Variants in RP1 observed in about 807,000 individuals in gnomAD.
The protein encoded by RP1 is RP1 axonemal microtubule associated.
Under a neutral mutation model 14.8 loss-of-function variants are expected in RP1, and 16 were observed. The observed-to-expected ratio is 1.08, with a 90% CI of 0.73 to 1.65. The LOEUF (loss-of-function observed/expected upper bound fraction) is 1.65. Among genes scored for constraint, RP1 ranks in the 40% most tolerant of loss-of-function variants. The pLI is 0.00. For missense variants in RP1, 2,631 were observed against 2,535.0 expected, an observed-to-expected ratio of 1.04 and a Z score of -0.81; for synonymous variants, 876 against 883.6, an observed-to-expected ratio of 0.99 and a Z score of 0.15.
intron 12 of RP1, among the ~76,000 whole-genome samples, chr8:54,684,604 T>C (rs1290492586): frequency 6.6e-6 from 1 of 152,172 alleles, no homozygotes; most frequent in African/African-American, 2.4e-5. Flanking sequence ...TACATAGAGG[T>C]GTTTATAGTA....
Position 54,628,223 on chromosome 8 carries a change from A to G in RP1, c.4341A>G (p.Glu1447=). Residue 1447 remains glutamate (E), a synonymous_variant, in exon 4 of 4, where the codon GAA becomes GAG. Transcript: ENST00000220676. ...FDMEEPRTSE[E]PGSITNSMTS... is the part of the protein sequence containing the mutation. ...TGGAAGAACCACGGACTTCTGAAGA[A>G]CCAGGCTCAATAACCAACAGCATGA... is the stretch of plus-strand genomic sequence containing the variant. 1 of 1,614,026 alleles carries G rather than the reference A, an allele frequency of 6.2e-7. No individual in the cohort carries two copies. Among genetic ancestry groups the G allele is most frequent in the Non-Finnish European group, 8.5e-7 (1 of 1,179,926 alleles).
intron 17 of RP1, among the ~76,000 whole-genome samples, chr8:54,733,387 C>T (rs991573815): frequency 1.3e-5 from 2 of 152,052 alleles, no homozygotes; most frequent in African/African-American, 4.8e-5. Flanking sequence ...AGAGATTACC[C>T]AGAGCTGTTA....
intron 13 of RP1, among the ~76,000 whole-genome samples, chr8:54,700,634 T>A (rs1410250472): frequency 6.6e-6 from 1 of 152,162 alleles, no homozygotes; most frequent in Non-Finnish European, 1.5e-5. Flanking sequence ...TGAAGAAATA[T>A]CTCTTCAACT....
chr8:54,845,982 A>C (rs192828503), intron 25 of RP1, among the ~76,000 whole-genome samples: 1 of 152,306 alleles, frequency 6.6e-6, no homozygotes, highest in East Asian at 1.9e-4. Context: ...TCAACAGATA[A>C]ACTTCTGGTC....
rs557121303 is a variant in RP1, at chr8:54,804,358, C to T, written c.3615+20648C>T. On this transcript the variant is annotated intron_variant, in intron 24 of 28. Coordinates refer to the RP1 transcript ENST00000637698. ...CACAGCCAGACACTATTCCAAATGA[C>T]GTTAAGGCCCACCATTAAGGTTTGA... Among the ~76,000 whole-genome samples, 6 of 152,242 alleles carry T rather than the reference C, an allele frequency of 3.9e-5. No homozygotes were observed. The South Asian group carries it at 1.0e-3, about 26-fold the overall frequency.
At chr8:54,807,625 T>C (rs185155301) in intron 24 of RP1, among the ~76,000 whole-genome samples, 4,294 of 147,190 alleles carry the variant, frequency 0.029, 117 homozygotes, top group African/African-American at 0.065. Context: ...TATCTACCTG[T>C]CTGTCTGTCT....
chr8:54,652,045 T>C (rs1167466807), intron 4 of RP1, among the ~76,000 whole-genome samples: 3 of 151,356 alleles, frequency 2.0e-5, no homozygotes, highest in African/African-American at 7.3e-5. Flanking sequence ...TCTATCTCTC[T>C]CGCACAGGCT....
chr8:54,869,224 T>G (rs1812524395), intron 28 of RP1, among the ~76,000 whole-genome samples: 1 of 152,174 alleles, frequency 6.6e-6, no homozygotes, highest in African/African-American at 2.4e-5. Flanking sequence ...AACTGTACTG[T>G]CTCACATGGG....
rs537683295 is a variant in RP1 at position 54,834,974 on chromosome 8, A to C, written c.3616-2476A>C. Among the ~76,000 whole-genome samples the C allele has an allele frequency of 3.3e-5, 5 of 152,292 alleles. No individual in the cohort carries two copies. In the South Asian group the frequency reaches 1.0e-3, roughly 32 times the overall value. ...CTTAAACAGAGGATACAGACTTTGC[A>C]CAACATGAAATTTGCTCCTAGAACT... On this transcript the variant is annotated intron_variant, in intron 24 of 28. Transcript: ENST00000637698.
chr8:54,623,000 T>C (rs1331980988), intron 3 of RP1, among the ~76,000 whole-genome samples: 2 of 152,198 alleles, frequency 1.3e-5, no homozygotes, highest in African/African-American at 4.8e-5. Context: ...AGAGTACTGA[T>C]TGTTTTTTAT....
intron 24 of RP1, among the ~76,000 whole-genome samples, chr8:54,836,288 G>A (rs1002682648): frequency 5.3e-5 from 8 of 152,152 alleles, no homozygotes; most frequent in African/African-American, 1.9e-4. Context: ...TCTAATTATA[G>A]TATGTGGCAG....
intron 12 of RP1, among the ~76,000 whole-genome samples, chr8:54,689,610 A>C (rs1807660631): frequency 6.6e-6 from 1 of 152,060 alleles, no homozygotes; most frequent in Non-Finnish European, 1.5e-5. Flanking sequence ...TGAGTCTCAG[A>C]CTCACTACAC....
At chr8:54,571,010 C>T (rs529231306) in intron 1 of RP1, among the ~76,000 whole-genome samples, 10 of 152,288 alleles carry the variant, frequency 6.6e-5, no homozygotes, top group South Asian at 2.1e-4. Context: ...TGTGACTGGC[C>T]GTCATCACAT....
intron 12 of RP1, among the ~76,000 whole-genome samples, chr8:54,691,958 G>A (rs1024990874): frequency 2.6e-5 from 4 of 151,574 alleles, no homozygotes; most frequent in South Asian, 4.2e-4. Flanking sequence ...TAATGCTGTC[G>A]CTCCCCCCTC....
intron 24 of RP1, among the ~76,000 whole-genome samples, chr8:54,800,603 G>A (rs903094284): frequency 3.3e-5 from 5 of 151,968 alleles, no homozygotes; most frequent in African/African-American, 7.3e-5. Context: ...AATATTCATT[G>A]ATTCTTCCCT....
chr8:54,838,478 C>A (rs375603843), intron 25 of RP1, among the ~76,000 whole-genome samples: 1 of 151,476 alleles, frequency 6.6e-6, no homozygotes, highest in Non-Finnish European at 1.5e-5. Flanking sequence ...TGTGTGTATG[C>A]GAGTGTTTGA....
chr8:54,855,973 C>CACACCCA (rs367829972), intron 26 of RP1, among the ~76,000 whole-genome samples: 1 of 102,190 alleles, frequency 9.8e-6, no homozygotes, highest in African/African-American at 5.0e-5. Context: ...ACACACACAC[C>CACACCCA]CCCTATAACC....
At chr8:54,843,189 C>T (rs1350246748) in intron 25 of RP1, among the ~76,000 whole-genome samples, 1 of 152,154 alleles carries the variant, frequency 6.6e-6, no homozygotes, top group African/African-American at 2.4e-5. Context: ...GCGTGCACCA[C>T]CACGCCCAGC....
intron 8 of RP1, among the ~76,000 whole-genome samples, chr8:54,677,169 C>T (rs970511757): frequency 1.3e-5 from 2 of 151,568 alleles, no homozygotes; most frequent in Admixed American, 1.3e-4. Context: ...CACTGAAAAT[C>T]CTGCATCCTG....
Sources: allele counts gnomAD v4.1 joint callset (sites outside exome capture counted in the v4.1 genomes callset), GRCh38; gene constraint gnomAD v4.1.1; transcripts MANE v1.5; gene names NCBI Gene and HGNC (gene_info 2026-07-23, HGNC 2026-07-21).